The following DNER variants were observed in gnomAD, a reference collection of about 807,000 sequenced individuals.
DNER encodes the protein delta and Notch-like epidermal growth factor-related receptor.
Under a neutral mutation model 78.2 loss-of-function variants are expected in DNER, and 33 were observed. The ratio of observed to expected loss-of-function variants is 0.42; its 90% CI spans 0.32 to 0.56. The LOEUF (loss-of-function observed/expected upper bound fraction) is 0.56. DNER is among the 20% of genes least tolerant of loss of function. The probability of loss-of-function intolerance (pLI) is 0.11; values close to 1 mark genes in which losing one functional copy is unlikely to be tolerated. For missense variants in DNER, 918 were observed against 975.3 expected (o/e 0.94, Z 0.78); for synonymous variants, 417 against 384.8 (o/e 1.08, Z -0.98).
chr2:229,411,165 C>G (rs2106345947), intron 9 of DNER, among the ~76,000 whole-genome samples: 1 of 152,256 alleles, frequency 6.6e-6, no homozygotes, highest in East Asian at 1.9e-4. Context: ...AATTCTTGTT[C>G]CCTGGCTAAG....
chr2:229,447,164 T>C, intron 8 of DNER, 152 bp downstream of exon 8: 1 of 684,540 alleles, frequency 1.5e-6, no homozygotes, highest in Non-Finnish European at 2.4e-6. Context: ...TATTCACAAG[T>C]ATATCAGTAA....
At chr2:229,534,259 T>C (rs1638766680) in intron 5 of DNER, among the ~76,000 whole-genome samples, 2 of 152,224 alleles carry the variant, frequency 1.3e-5, no homozygotes, top group South Asian at 4.1e-4. Flanking sequence ...ACCAATAGAT[T>C]GTAATGAAAC....
At chr2:229,527,240 C>T (rs1181573563) in intron 5 of DNER, among the ~76,000 whole-genome samples, 1 of 152,074 alleles carries the variant, frequency 6.6e-6, no homozygotes, top group Non-Finnish European at 1.5e-5. Context: ...ATTCAAATAC[C>T]ACCAGCTTCC....
intron 12 of DNER, among the ~76,000 whole-genome samples, chr2:229,362,303 T>C (rs184080456): frequency 6.6e-6 from 1 of 152,328 alleles, no homozygotes; most frequent in East Asian, 1.9e-4. Context: ...CACTTAGGAA[T>C]AATTTTCCTA....
chr2:229,363,985 C>CTTTTTTTTTT (rs10600729), intron 12 of DNER, among the ~76,000 whole-genome samples: 2 of 77,808 alleles, frequency 2.6e-5, no homozygotes, highest in Non-Finnish European at 5.0e-5. Context: ...CAATTCTCTG[C>CTTTTTTTTTT]TTTTTTTTTT....
intron 11 of DNER, among the ~76,000 whole-genome samples, chr2:229,378,543 C>T (rs374656508): frequency 2.0e-5 from 3 of 152,262 alleles, no homozygotes; most frequent in African/African-American, 2.4e-5. Context: ...AGGCAGTGAT[C>T]GAGTTAATGG....
chr2:229,680,596 T>C (rs1383844389), intron 1 of DNER, among the ~76,000 whole-genome samples: 2 of 152,232 alleles, frequency 1.3e-5, no homozygotes, highest in African/African-American at 2.4e-5. Context: ...GGCTAGAGCC[T>C]GGAATTTCCC....
chr2:229,460,967 A>T (rs10192000), intron 7 of DNER, among the ~76,000 whole-genome samples: 1 of 151,936 alleles, frequency 6.6e-6, no homozygotes, highest in South Asian at 2.1e-4. Flanking sequence ...AGAAGTCTGC[A>T]AGTCAAAGCT....
At chr2:229,528,567 AACTCTGATCTCT>A (rs1024212099) in intron 5 of DNER, among the ~76,000 whole-genome samples, 13 of 152,244 alleles carry the variant, frequency 8.5e-5, no homozygotes, top group African/African-American at 3.1e-4. Context: ...TCAGACATTG[AACTCTGATCTCT>A]ACCCGCAAGT....
chr2:229,456,544 G>T (rs1450949888), intron 7 of DNER, among the ~76,000 whole-genome samples: 1 of 151,812 alleles, frequency 6.6e-6, no homozygotes, highest in African/African-American at 2.4e-5. Flanking sequence ...ACTTCCCATG[G>T]TCTTACACTT....
intron 1 of DNER, among the ~76,000 whole-genome samples, chr2:229,704,891 G>A (rs1489492545): frequency 6.6e-6 from 1 of 152,218 alleles, no homozygotes; most frequent in Non-Finnish European, 1.5e-5. Context: ...AAAGATTTTC[G>A]TGTTCTTTTC....
intron 1 of DNER, among the ~76,000 whole-genome samples, chr2:229,687,757 G>T (rs1483238172): frequency 1.3e-5 from 2 of 152,138 alleles, no homozygotes; most frequent in Non-Finnish European, 2.9e-5. Flanking sequence ...CTACTTATCT[G>T]TCACAACATT....
intron 7 of DNER, among the ~76,000 whole-genome samples, chr2:229,454,876 A>T (rs1193034431): frequency 6.6e-6 from 1 of 151,094 alleles, no homozygotes; most frequent in African/African-American, 2.5e-5. Flanking sequence ...ATACAGTCTA[A>T]AAAAAGAAAG....
Position 229,591,903 on chromosome 2 carries a change from T to C in DNER, c.277-15A>G, listed in dbSNP as rs555083416. The C allele has an allele frequency of 2.6e-5, 40 of 1,510,882 alleles. No individual in the cohort carries two copies. The East Asian group carries it at 9.3e-4, about 35-fold the overall frequency. The allele number at this position is 1,510,882 out of a possible 1,614,324, so 93.6% of individuals were successfully genotyped here. On this transcript the variant is annotated splice_polypyrimidine_tract_variant and intron_variant, in intron 1 of 12. Coordinates refer to ENST00000341772, the MANE Select transcript of DNER (RefSeq NM_139072.4). The surrounding 1 kb of genome is among the most constrained non-coding windows in gnomAD (Gnocchi z 4.6). Reference sequence around the variant, plus strand: ...TCTGCAACAAGCTGAAACGAGACCATAAATGGGTCAATTATTCCCTCATAA... The same window carrying C: ...TCTGCAACAAGCTGAAACGAGACCACAAATGGGTCAATTATTCCCTCATAA...
chr2:229,647,756 G>A (rs1351155328), intron 1 of DNER, among the ~76,000 whole-genome samples: 1 of 152,194 alleles, frequency 6.6e-6, no homozygotes, highest in Non-Finnish European at 1.5e-5. Flanking sequence ...ATTTTTGTAT[G>A]ATATGTGATG....
intron 4 of DNER, among the ~76,000 whole-genome samples, chr2:229,579,775 C>G (rs1697360876): frequency 6.6e-6 from 1 of 150,502 alleles, no homozygotes; most frequent in African/African-American, 2.5e-5. Context: ...ATTGAGAATT[C>G]CTTTTTTTTT....
At position 229,414,443 on chromosome 2, in the gene DNER, T is replaced by C. The variant is rs142760047; in HGVS notation, c.1609+3665A>G. On this transcript the variant is annotated intron_variant, in intron 9 of 12. Transcript: ENST00000341772. ...CACCACACCTGGCTAATTTTCGTATTTTTAGTAGAGACGGGATTTCACTGT... is the reference window on the plus strand; with the variant it reads ...CACCACACCTGGCTAATTTTCGTATCTTTAGTAGAGACGGGATTTCACTGT... Among the ~76,000 whole-genome samples the C allele has an allele frequency of 5.2e-3, 785 of 152,156 alleles. 4 individuals are homozygous for C. The highest frequency in any genetic ancestry group is 0.018 in the African/African-American group (749 of 41,498).
At chr2:229,630,890 T>A (rs909406871) in intron 1 of DNER, among the ~76,000 whole-genome samples, 5 of 152,172 alleles carry the variant, frequency 3.3e-5, no homozygotes, top group Admixed American at 6.5e-5. Context: ...ACATGTGGCA[T>A]TTGGTTTTTT....
In DNER at chr2:229,388,246, G is replaced by C; in HGVS notation, c.1855+19C>G. On this transcript the variant is annotated intron_variant, in intron 11 of 12. Coordinates refer to ENST00000341772, the MANE Select transcript of DNER (RefSeq NM_139072.4). ...CTATAAATGTTAAATAACAGTGGCTGAGCTGCAGAAATACTTACGGATCTC... is the reference window on the plus strand; with the variant it reads ...CTATAAATGTTAAATAACAGTGGCTCAGCTGCAGAAATACTTACGGATCTC... 1.9e-6 allele frequency: 3 copies of C among 1,598,624 alleles called. No individual in the cohort carries two copies. The highest frequency in any genetic ancestry group is 2.6e-6 in the Non-Finnish European group (3 of 1,172,520).
Sources: allele counts gnomAD v4.1 joint callset (sites outside exome capture counted in the v4.1 genomes callset), GRCh38; gene constraint gnomAD v4.1.1; non-coding constraint Gnocchi (gnomAD v3.1); transcripts MANE v1.5; gene names NCBI Gene and HGNC (gene_info 2026-07-23, HGNC 2026-07-21).